The following NEK5 variants were observed in gnomAD, a reference collection of about 807,000 sequenced individuals.
NEK5 encodes serine/threonine-protein kinase Nek5.
In NEK5, 88 loss-of-function variants were observed where a neutral mutation model predicts 109.2. That is an observed-to-expected ratio of 0.81 (90% CI 0.68 to 0.96). The LOEUF (loss-of-function observed/expected upper bound fraction) is 0.96. NEK5 is among the 40% of genes least tolerant of loss of function. The pLI, the probability that NEK5 is intolerant of heterozygous loss-of-function variation, is 0.00. For missense variants in NEK5, 834 were observed against 920.7 expected (o/e 0.91, Z 1.22); for synonymous variants, 283 against 299.9 (o/e 0.94, Z 0.58).
intron 23 of NEK5, among the ~76,000 whole-genome samples, chr13:52,047,677 C>CA (rs986893216): frequency 1.3e-5 from 2 of 151,638 alleles, no homozygotes; most frequent in African/African-American, 2.4e-5. Flanking sequence ...CCCGTCTCTA[C>CA]AAAAAACAAA....
intron 21 of NEK5, among the ~76,000 whole-genome samples, chr13:52,064,243 G>A (rs1248207289): frequency 1.0e-4 from 14 of 138,828 alleles, no homozygotes; most frequent in Admixed American, 2.8e-4. Flanking sequence ...TCAGCCCCCC[G>A]CCCAGCCAGC....
At chr13:52,073,532 G>T (rs1317975570) in intron 19 of NEK5, among the ~76,000 whole-genome samples, 1 of 151,940 alleles carries the variant, frequency 6.6e-6, no homozygotes, top group Non-Finnish European at 1.5e-5. Flanking sequence ...AGCCAGGATG[G>T]TCTCAATCTC....
At chr13:52,048,721 A>G (rs1316070248) in intron 23 of NEK5, among the ~76,000 whole-genome samples, 3 of 152,228 alleles carry the variant, frequency 2.0e-5, no homozygotes, top group African/African-American at 7.2e-5. Flanking sequence ...AATAAGCCAG[A>G]CACAGAAAGA....
chr13:52,128,248 CGGTTTGGA>C (rs1041321808), intron 1 of NEK5, among the ~76,000 whole-genome samples: 1 of 151,778 alleles, frequency 6.6e-6, no homozygotes, highest in African/African-American at 2.4e-5. Context: ...GATTGCACTT[CGGTTTGGA>C]GGTTTACCAA....
At chr13:52,082,391 C>G in intron 17 of NEK5, 2 of 1,153,986 alleles carry the variant, frequency 1.7e-6, no homozygotes, top group African/African-American at 3.4e-5. Flanking sequence ...AATAAAAGCA[C>G]ACTTGGGCTT....
At position 52,071,994 on chromosome 13, in the gene NEK5, T is replaced by C. The variant is rs1211561520; in HGVS notation, c.1799A>G (p.His600Arg). 2.5e-6 allele frequency: 4 copies of C among 1,611,586 alleles called. No individual in the cohort carries two copies. The highest frequency in any genetic ancestry group is 3.4e-6 in the Non-Finnish European group (4 of 1,177,818). Residue 600 changes from histidine to arginine, a missense_variant, in exon 20 of 24, where the codon CAT becomes CGT. Transcript: ENST00000684899. ...KFKEYECVKE[H>R]GDYTDKAFEK... is the part of the protein sequence containing the mutation. Reference sequence around the variant, plus strand: ...AAATGCTTTGTCTGTATAATCTCCATGCTCCTTTACACATTCATATTCCTT... The same window carrying C: ...AAATGCTTTGTCTGTATAATCTCCACGCTCCTTTACACATTCATATTCCTT...
chr13:52,094,669 C>A (rs1429079388), intron 12 of NEK5, among the ~76,000 whole-genome samples: 1 of 152,110 alleles, frequency 6.6e-6, no homozygotes, highest in East Asian at 1.9e-4. Flanking sequence ...TGCCTATAGT[C>A]CCAGCTACTC....
At chr13:52,116,042 T>C (rs1955851327) in intron 4 of NEK5, among the ~76,000 whole-genome samples, 1 of 151,734 alleles carries the variant, frequency 6.6e-6, no homozygotes, top group African/African-American at 2.4e-5. Flanking sequence ...ATTAGCCAGG[T>C]GTGGGGGTAC....
intron 3 of NEK5, among the ~76,000 whole-genome samples, chr13:52,126,965 GC>G (rs1246294963): frequency 6.6e-6 from 1 of 152,142 alleles, no homozygotes; most frequent in East Asian, 1.9e-4. Context: ...GAGGAGGCTG[GC>G]ATCTCACAGG....
At chr13:52,118,721 T>C in intron 4 of NEK5, among the ~76,000 whole-genome samples, 1 of 152,148 alleles carries the variant, frequency 6.6e-6, no homozygotes. Context: ...TGCTAGGCTA[T>C]GGTGCGTGGC....
intron 8 of NEK5, 49 bp from the exon 9 acceptor site, chr13:52,104,601 A>T (rs754345323): frequency 7.6e-7 from 1 of 1,324,300 alleles, no homozygotes; most frequent in South Asian, 1.2e-5. Flanking sequence ...ATAATTCTTA[A>T]TAAAAGCTTT....
intron 17 of NEK5, among the ~76,000 whole-genome samples, chr13:52,077,226 C>A (rs1176399295): frequency 2.0e-5 from 3 of 152,242 alleles, no homozygotes; most frequent in Admixed American, 2.0e-4. Context: ...CTCCACCCCT[C>A]TCCAGCAGTG....
intron 8 of NEK5, among the ~76,000 whole-genome samples, chr13:52,104,870 G>A (rs149826952): frequency 1.3e-5 from 2 of 152,312 alleles, no homozygotes; most frequent in African/African-American, 2.4e-5. Flanking sequence ...GAGGAGGCAG[G>A]CAGAACTCAA....
intron 22 of NEK5, 34 bp downstream of exon 22, chr13:52,061,785 G>C (rs1484713862): frequency 1.1e-6 from 1 of 945,632 alleles, no homozygotes; most frequent in African/African-American, 1.8e-5. Context: ...ATTCCTCTGA[G>C]GACTGGTTAT....
intron 22 of NEK5, among the ~76,000 whole-genome samples, chr13:52,054,141 C>T (rs1389986837): frequency 6.6e-6 from 1 of 152,162 alleles, no homozygotes; most frequent in East Asian, 1.9e-4. Flanking sequence ...GTCATTTGAT[C>T]AGCAAAACGT....
chr13:52,079,759 C>T (rs1463475631), intron 17 of NEK5, among the ~76,000 whole-genome samples: 9 of 150,872 alleles, frequency 6.0e-5, no homozygotes, highest in African/African-American at 2.2e-4. Context: ...GCCCGGCCGC[C>T]CATCGTCTGG....
At chr13:52,097,114 G>A (rs1207660648) in intron 12 of NEK5, among the ~76,000 whole-genome samples, 6 of 152,358 alleles carry the variant, frequency 3.9e-5, no homozygotes, top group East Asian at 1.9e-4. Context: ...GAGTTGAGGC[G>A]TGGGAGCCTC....
chr13:52,090,890 G>T (rs550205083), intron 13 of NEK5, among the ~76,000 whole-genome samples: 1 of 152,132 alleles, frequency 6.6e-6, no homozygotes, highest in African/African-American at 2.4e-5. Flanking sequence ...ACCAGGTGTC[G>T]TGGCAGGCGC....
rs754653660 is a variant in NEK5 at position 52,086,349 on chromosome 13, C to T, written c.1407G>A (p.Gln469=). The T allele has an allele frequency of 1.2e-6, 2 of 1,611,058 alleles. No homozygotes were observed. The highest frequency in any genetic ancestry group is 1.1e-5 in the South Asian group (1 of 91,004). The part of the protein sequence containing the change: ...NEMKEQEYWK[Q]LEEIRQQYHN... ...GGTACTGTTGGCGTATTTCCTCTAA[C>T]TGCTTCCAATATTCCTGGAAAGCAA... is the stretch of plus-strand genomic sequence containing the variant. Residue 469 remains glutamine, a synonymous_variant, in exon 16 of 24, where the codon CAG becomes CAA. Transcript: ENST00000684899.
Sources: gnomAD v4.1 joint callset for allele counts (sites outside exome capture counted in the v4.1 genomes callset) on GRCh38, gnomAD v4.1.1 for gene constraint, MANE v1.5 for transcripts, NCBI Gene and HGNC (gene_info 2026-07-23, HGNC 2026-07-21) for gene names.